Variants in RHOBTB1 observed in about 807,000 individuals in gnomAD.
RHOBTB1 encodes Rho related BTB domain containing 1, also known as rho-related BTB domain-containing protein 1.
Under a neutral mutation model 71.6 loss-of-function variants are expected in RHOBTB1, and 40 were observed. The ratio of observed to expected loss-of-function variants is 0.56; its 90% confidence interval spans 0.43 to 0.73. The LOEUF is 0.73. Ranked by LOEUF, RHOBTB1 falls within the 30% of genes least tolerant of loss-of-function variation. The pLI, the probability that RHOBTB1 is intolerant of heterozygous loss-of-function variation, is 0.00. For missense variants in RHOBTB1, 797 were observed against 894.0 expected, an observed-to-expected ratio of 0.89 and a Z score of 1.38; for synonymous variants, 319 against 334.9, an observed-to-expected ratio of 0.95 and a Z score of 0.52.
chr10:60,877,859 T>G, intron 8 of RHOBTB1, 49 bp downstream of exon 8: 1 of 1,551,720 alleles, frequency 6.4e-7, no homozygotes, highest in Non-Finnish European at 8.7e-7. Flanking sequence ...TTAAATGTGA[T>G]TTTGACAAAT....
chr10:60,878,614 G>C (rs2081162203), intron 7 of RHOBTB1, among the ~76,000 whole-genome samples: 3 of 152,208 alleles, frequency 2.0e-5, no homozygotes, highest in Admixed American at 2.0e-4. Context: ...CAACCACATG[G>C]ATTCAGAACT....
upstream of RHOBTB1, among the ~76,000 whole-genome samples, chr10:60,947,914 C>T (rs1456851580): frequency 1.3e-5 from 2 of 152,182 alleles, no homozygotes; most frequent in Non-Finnish European, 2.9e-5. Context: ...AGAATGGCTG[C>T]ACCGTTCACA....
At chr10:60,948,855 C>T (rs796835822), upstream of RHOBTB1, among the ~76,000 whole-genome samples, 8 of 152,306 alleles carry the variant, frequency 5.3e-5, no homozygotes, top group East Asian at 1.5e-3. Flanking sequence ...TTATACTGCT[C>T]ATGCTTATGG....
At chr10:60,909,019 A>G (rs1472105149) in intron 4 of RHOBTB1, among the ~76,000 whole-genome samples, 4 of 152,286 alleles carry the variant, frequency 2.6e-5, no homozygotes, top group African/African-American at 4.8e-5. Context: ...CAGACAAGGG[A>G]GCAGAACAAT....
At chr10:60,998,530 T>G (rs1054044860) in intron 1 of RHOBTB1, among the ~76,000 whole-genome samples, 3 of 152,082 alleles carry the variant, frequency 2.0e-5, no homozygotes, top group African/African-American at 4.8e-5. Context: ...AGGGCTGAGA[T>G]AGAGAAGAAC....
chr10:60,935,711 A>T (rs2084540252), intron 2 of RHOBTB1, among the ~76,000 whole-genome samples: 1 of 152,250 alleles, frequency 6.6e-6, no homozygotes, highest in Non-Finnish European at 1.5e-5. Context: ...ACATAAATTT[A>T]CAATTAAATA....
At chr10:60,866,378 C>T (rs2080635498), downstream of RHOBTB1, among the ~76,000 whole-genome samples, 1 of 152,120 alleles carries the variant, frequency 6.6e-6, no homozygotes, top group South Asian at 2.1e-4. Context: ...CTATGTAACA[C>T]CATTTGTGTA....
chr10:60,872,072 G>A, intron 10 of RHOBTB1, 113 bp downstream of exon 10: 9 of 810,906 alleles, frequency 1.1e-5, no homozygotes, highest in Non-Finnish European at 2.0e-5. Context: ...CCAGTCTCGA[G>A]GAATCATCCA....
chr10:61,001,000 T>A (rs1281321232), intron 1 of RHOBTB1, among the ~76,000 whole-genome samples: 1 of 152,064 alleles, frequency 6.6e-6, no homozygotes, highest in African/African-American at 2.4e-5. Flanking sequence ...TGACTGACAG[T>A]GACTTTATCT....
chr10:60,899,267 A>G (rs1252389001), intron 4 of RHOBTB1, among the ~76,000 whole-genome samples: 2 of 152,248 alleles, frequency 1.3e-5, no homozygotes, highest in Non-Finnish European at 2.9e-5. Context: ...TGCAGGAGGC[A>G]CTGAAGTAAA....
In RHOBTB1 at chr10:60,888,720, C is replaced by G. The variant is rs1457224165; in HGVS notation, c.948G>C (p.Gln316His). The G allele has an allele frequency of 1.9e-6, 3 of 1,614,218 alleles. No individual in the cohort carries two copies. The highest frequency in any genetic ancestry group is 3.3e-5 in the Admixed American group (2 of 60,028). ...GSEGACEKEK[Q>H]SRDFQGRILS... is the part of the protein sequence containing the mutation. Reference sequence around the variant, plus strand: ...ATATCCGCCCCTGGAAATCTCTGCTCTGCTTCTCTTTCTCACAGGCTCCTT... The same window carrying G: ...ATATCCGCCCCTGGAAATCTCTGCTGTGCTTCTCTTTCTCACAGGCTCCTT... Residue 316 changes from glutamine (Q) to histidine (H), a missense_variant, in exon 6 of 11, where the codon CAG becomes CAC. By Grantham distance (24) the Gln-to-His change is conservative. This residue lies in a region of RHOBTB1 where 658 missense variants were observed against 681.5 expected (regional missense o/e 0.97). Coordinates refer to ENST00000337910, the MANE Select transcript of RHOBTB1 (RefSeq NM_014836.5).
chr10:60,957,834 T>C (rs1010911248), intron 2 of RHOBTB1, among the ~76,000 whole-genome samples: 1 of 152,202 alleles, frequency 6.6e-6, no homozygotes, highest in Admixed American at 6.5e-5. Context: ...CCATTCCCAC[T>C]GTACGGACAG....
At chr10:60,952,899 G>C (rs1475425765) in intron 2 of RHOBTB1, among the ~76,000 whole-genome samples, 1 of 152,106 alleles carries the variant, frequency 6.6e-6, no homozygotes, top group Non-Finnish European at 1.5e-5. Context: ...ATCAGGTGTC[G>C]ATGAGCGATA....
intron 2 of RHOBTB1, among the ~76,000 whole-genome samples, chr10:60,923,694 G>T (rs1003375066): frequency 6.6e-6 from 1 of 152,132 alleles, no homozygotes; most frequent in African/African-American, 2.4e-5. Flanking sequence ...TTGTGAGAGG[G>T]ACCCAGTGGG....
chr10:60,949,664 CTTTTTTT>C (rs147906688), intron 2 of RHOBTB1, among the ~76,000 whole-genome samples: 1,588 of 108,952 alleles, frequency 0.015, 45 homozygotes, highest in African/African-American at 0.052. Context: ...CCAGGTGAAG[CTTTTTTT>C]TTTTTTTTTT....
chr10:60,976,192 C>A (rs906235973), intron 2 of RHOBTB1, among the ~76,000 whole-genome samples: 5 of 151,802 alleles, frequency 3.3e-5, no homozygotes, highest in Non-Finnish European at 1.5e-5. Flanking sequence ...ATAAGGAAAG[C>A]AGTAACAGCA....
chr10:60,929,228 T>C (rs2133926804), intron 2 of RHOBTB1, among the ~76,000 whole-genome samples: 1 of 152,270 alleles, frequency 6.6e-6, no homozygotes, highest in African/African-American at 2.4e-5. Context: ...CATGATTTGA[T>C]TATTACACAT....
chr10:60,929,461 A>T (rs979471111), intron 2 of RHOBTB1, among the ~76,000 whole-genome samples: 1 of 152,206 alleles, frequency 6.6e-6, no homozygotes, highest in Non-Finnish European at 1.5e-5. Context: ...CCTTAAGGAA[A>T]CTGCTCAAAG....
chr10:60,925,693 C>T (rs2083834942), intron 2 of RHOBTB1, among the ~76,000 whole-genome samples: 2 of 151,814 alleles, frequency 1.3e-5, no homozygotes, highest in Admixed American at 1.3e-4. Context: ...AAAAAGAAGA[C>T]CCGAATAAAT....
Sources: gnomAD v4.1 joint callset for allele counts (sites outside exome capture counted in the v4.1 genomes callset) on GRCh38, gnomAD v4.1.1 for gene constraint, gnomAD v4.1.1 regional missense constraint, MANE v1.5 for transcripts, NCBI Gene and HGNC (gene_info 2026-07-23, HGNC 2026-07-21) for gene names.